Variants in VPS36 observed in about 807,000 individuals in gnomAD.
VPS36 encodes vacuolar protein-sorting-associated protein 36.
VPS36 carries 31 observed loss-of-function variants against 63.5 expected under a neutral mutation model. The observed-to-expected ratio is 0.49, with a 90% CI of 0.37 to 0.66. The LOEUF (loss-of-function observed/expected upper bound fraction) is 0.66. VPS36 is among the 30% of genes least tolerant of loss of function. The pLI is 0.00. For synonymous variants in VPS36, 138 were observed against 157.2 expected, an observed-to-expected ratio of 0.88 and a Z score of 0.91; for missense variants, 338 against 463.7, an observed-to-expected ratio of 0.73 and a Z score of 2.49.
chr13:52,435,024 T>G (rs1958200485), intron 4 of VPS36, 142 bp from the exon 5 acceptor site: 2 of 731,906 alleles, frequency 2.7e-6, no homozygotes, highest in South Asian at 2.0e-5. Flanking sequence ...CAGGCTGGAG[T>G]GCAATGGCGT....
intron 3 of VPS36, among the ~76,000 whole-genome samples, chr13:52,438,871 G>T (rs1441798637): frequency 6.6e-6 from 1 of 152,224 alleles, no homozygotes; most frequent in Non-Finnish European, 1.5e-5. Context: ...TGAAATGACA[G>T]GTACACAGGG....
At chr13:52,424,205 A>G (rs1383097005) in intron 9 of VPS36, among the ~76,000 whole-genome samples, 1 of 152,132 alleles carries the variant, frequency 6.6e-6, no homozygotes, top group African/African-American at 2.4e-5. Context: ...GGGGCTCTAC[A>G]CCATGTTTCA....
intron 6 of VPS36, among the ~76,000 whole-genome samples, chr13:52,428,235 GT>G (rs758528081): frequency 6.6e-5 from 10 of 152,108 alleles, no homozygotes; most frequent in Non-Finnish European, 1.3e-4. Flanking sequence ...ATTATTTCAA[GT>G]TACTGAAAAT....
At chr13:52,434,086 A>G (rs1240746178) in intron 5 of VPS36, among the ~76,000 whole-genome samples, 2 of 152,200 alleles carry the variant, frequency 1.3e-5, no homozygotes, top group Admixed American at 1.3e-4. Context: ...AAAAAATCAC[A>G]GTTTAAATTT....
Position 52,450,482 on chromosome 13 carries a change from G to C in VPS36, c.96+17C>G. On this transcript the variant is annotated intron_variant, in intron 1 of 13. Coordinates refer to ENST00000378060, the MANE Select transcript of VPS36 (RefSeq NM_016075.4). Reference sequence around the variant, plus strand: ...TCCCTTCCGCCAGCCCGTTGGGAAGGTTGGCAGACGCCCTACCTTCTCCTC... The same window carrying C: ...TCCCTTCCGCCAGCCCGTTGGGAAGCTTGGCAGACGCCCTACCTTCTCCTC... The C allele has an allele frequency of 6.3e-7, 1 of 1,585,190 alleles. No individual in the cohort carries two copies. Among genetic ancestry groups the C allele is most frequent in the Non-Finnish European group, 8.6e-7 (1 of 1,166,398 alleles).
At chr13:52,450,444 C>T in intron 1 of VPS36, 55 bp downstream of exon 1, 1 of 1,524,028 alleles carries the variant, frequency 6.6e-7, no homozygotes, top group South Asian at 1.2e-5. Context: ...CCGGGCCGCG[C>T]GCCCACCGGG....
intron 1 of VPS36, among the ~76,000 whole-genome samples, chr13:52,446,173 G>C (rs1021522536): frequency 6.6e-6 from 1 of 151,644 alleles, no homozygotes; most frequent in Non-Finnish European, 1.5e-5. Context: ...GGCTGAGGTA[G>C]GAGAAACGCT....
chr13:52,442,356 A>G (rs369961683), intron 2 of VPS36, 21 bp downstream of exon 2: 1 of 1,598,622 alleles, frequency 6.3e-7, no homozygotes, highest in Non-Finnish European at 8.5e-7. Context: ...CCTACAACAG[A>G]TGCAAAAAAC....
chr13:52,417,098 A>T lies in VPS36; in HGVS notation c.949T>A (p.Ser317Thr). ...DSGVMVIELQSHKEEEMVASA... is the reference protein window; with the variant it reads ...DSGVMVIELQTHKEEEMVASA... ...GCCACCATTTCCTCTTCCTTGTGAGACTGAAGCTCAATTACCATGACGCCA... is the reference window on the plus strand; with the variant it reads ...GCCACCATTTCCTCTTCCTTGTGAGTCTGAAGCTCAATTACCATGACGCCA... The change falls in exon 12 of 14, where the codon TCT (serine) becomes ACT (threonine). Residue 317 changes from serine (S) to threonine (T), a missense_variant. Physicochemically the swap from Ser to Thr is moderately conservative, Grantham distance 58. Transcript: ENST00000378060. 6.2e-7 allele frequency: 1 copy of T among 1,614,052 alleles called. No individual in the cohort carries two copies. Among genetic ancestry groups the T allele is most frequent in the Non-Finnish European group, 8.5e-7 (1 of 1,179,996 alleles).
rs114035321 is a variant in VPS36, at chr13:52,425,874, A to G, written c.774+58T>C. The G allele has an allele frequency of 3.9e-3, 5,891 of 1,502,210 alleles. 45 individuals are homozygous for G. The highest frequency in any genetic ancestry group is 0.019 in the Middle Eastern group (109 of 5,596). 93.1% of individuals were successfully genotyped at this position (1,502,210 alleles called of 1,614,324 possible). On this transcript the variant is annotated intron_variant, in intron 9 of 13. Transcript: ENST00000378060. ...TAGTTATGCTCTTGTTAACATTTCTAATGACATAGGGCTAATTTAACACAG... is the reference window on the plus strand; with the variant it reads ...TAGTTATGCTCTTGTTAACATTTCTGATGACATAGGGCTAATTTAACACAG...
intron 1 of VPS36, among the ~76,000 whole-genome samples, chr13:52,445,199 G>C (rs1164938931): frequency 6.6e-6 from 1 of 152,108 alleles, no homozygotes; most frequent in Non-Finnish European, 1.5e-5. Context: ...ATGTACTTCT[G>C]GCACTTAGTT....
chr13:52,441,576 C>G (rs999260935), intron 2 of VPS36, among the ~76,000 whole-genome samples: 1 of 152,144 alleles, frequency 6.6e-6, no homozygotes, highest in African/African-American at 2.4e-5. Context: ...CTTGGCTAAA[C>G]CCCGTCTCTA....
chr13:52,432,491 A>G (rs563823754), intron 6 of VPS36, among the ~76,000 whole-genome samples: 15 of 152,380 alleles, frequency 9.8e-5, no homozygotes, highest in Admixed American at 8.5e-4. Flanking sequence ...GGACAACCAA[A>G]TAGTAGATAA....
At chr13:52,441,578 C>A (rs1030694341) in intron 2 of VPS36, among the ~76,000 whole-genome samples, 2 of 152,138 alleles carry the variant, frequency 1.3e-5, no homozygotes, top group Non-Finnish European at 2.9e-5. Context: ...TGGCTAAACC[C>A]CGTCTCTACT....
chr13:52,419,259 A>G (rs1958022741), intron 10 of VPS36, among the ~76,000 whole-genome samples: 1 of 152,228 alleles, frequency 6.6e-6, no homozygotes, highest in Admixed American at 6.5e-5. Flanking sequence ...GTGAAGGAGG[A>G]AGAACAGCTG....
intron 10 of VPS36, among the ~76,000 whole-genome samples, chr13:52,422,295 AT>A (rs199515195): frequency 1.3e-5 from 2 of 151,754 alleles, no homozygotes; most frequent in Non-Finnish European, 2.9e-5. Flanking sequence ...ATGTGATTTC[AT>A]TTTTTTTATG....
chr13:52,446,564 T>C (rs1032981766), intron 1 of VPS36, among the ~76,000 whole-genome samples: 4 of 152,168 alleles, frequency 2.6e-5, no homozygotes, highest in African/African-American at 9.7e-5. Flanking sequence ...TTTAACTGCT[T>C]AAAAATTGAT....
intron 1 of VPS36, chr13:52,449,842 C>G (rs1341619233): frequency 2.4e-6 from 2 of 827,210 alleles, no homozygotes; most frequent in Admixed American, 6.2e-5. Context: ...CTTTACAAAA[C>G]ACGCTCAGAA....
intron 6 of VPS36, among the ~76,000 whole-genome samples, chr13:52,428,018 A>G (rs986425390): frequency 2.0e-5 from 3 of 152,212 alleles, no homozygotes; most frequent in Admixed American, 2.0e-4. Context: ...TAACTGAAAC[A>G]GTAAGTTTAG....
Sources: allele counts gnomAD v4.1 joint callset (sites outside exome capture counted in the v4.1 genomes callset), GRCh38; gene constraint gnomAD v4.1.1; transcripts MANE v1.5; gene names NCBI Gene and HGNC (gene_info 2026-07-23, HGNC 2026-07-21).